EDNRA: variants seen among roughly 807,000 people sequenced by gnomAD.
EDNRA encodes endothelin-1 receptor.
A neutral mutation model predicts 41.4 loss-of-function variants in EDNRA; 11 were observed. The observed-to-expected ratio is 0.27, with a 90% CI of 0.17 to 0.44. The LOEUF is 0.44. Among genes scored for constraint, EDNRA ranks in the 20% least tolerant of loss-of-function variants. The pLI is 1.00. For missense variants in EDNRA, 294 were observed against 531.0 expected, an observed-to-expected ratio of 0.55 and a Z score of 4.39; for synonymous variants, 172 against 183.0, an observed-to-expected ratio of 0.94 and a Z score of 0.49.
chr4:147,520,507 G>A (rs1423310659), intron 3 of EDNRA: 5 of 516,842 alleles, frequency 9.7e-6, no homozygotes, highest in African/African-American at 3.9e-5. Flanking sequence ...CAAATGTCCC[G>A]AAGTCTTTCC....
intron 2 of EDNRA, among the ~76,000 whole-genome samples, chr4:147,501,723 A>G (rs565877056): frequency 1.3e-5 from 2 of 152,308 alleles, no homozygotes; most frequent in South Asian, 4.1e-4. Context: ...CATTTTTTAA[A>G]TAGTTTCATA....
intron 1 of EDNRA, 103 bp from the exon 2 acceptor site, chr4:147,485,509 C>G: frequency 1.3e-6 from 1 of 778,928 alleles, no homozygotes; most frequent in Non-Finnish European, 2.0e-6. Flanking sequence ...TATCTAATCA[C>G]CAAATATATC....
At chr4:147,481,967 T>A (rs1728776442) in intron 1 of EDNRA, among the ~76,000 whole-genome samples, 1 of 152,236 alleles carries the variant, frequency 6.6e-6, no homozygotes, top group South Asian at 2.1e-4. Flanking sequence ...GCTTCTCACG[T>A]GCAGAAAACA....
intron 3 of EDNRA, among the ~76,000 whole-genome samples, chr4:147,526,405 G>C (rs1730549916): frequency 6.6e-6 from 1 of 152,144 alleles, no homozygotes; most frequent in Non-Finnish European, 1.5e-5. Context: ...TCACATGCCT[G>C]GCACCTTGGC....
rs545912178 is a variant in EDNRA at position 147,516,375 on chromosome 4, A to G, written c.421-3476A>G. Among the ~76,000 whole-genome samples, 5 of 152,350 alleles carry G rather than the reference A, an allele frequency of 3.3e-5. No homozygotes were observed. The South Asian group carries it at 1.0e-3, about 32-fold the overall frequency. On this transcript the variant is annotated intron_variant, in intron 2 of 7. Transcript: ENST00000651419. ...AACTCGATGGTAGGTTTCTTTCAAC[A>G]TAAAGAGTGGGAGCACTACTTTGAG...
chr4:147,496,692 A>T (rs1244947599), intron 2 of EDNRA, among the ~76,000 whole-genome samples: 1 of 152,124 alleles, frequency 6.6e-6, no homozygotes, highest in Admixed American at 6.5e-5. Flanking sequence ...GCCTGTAGGT[A>T]TTGTTTTGTG....
intron 2 of EDNRA, among the ~76,000 whole-genome samples, chr4:147,516,992 GT>G (rs750980299): frequency 2.2e-5 from 3 of 134,118 alleles, no homozygotes; most frequent in African/African-American, 3.5e-5. Context: ...TTTTCTTTTT[GT>G]AAAAAAAAAA....
At position 147,535,546 on chromosome 4, in the gene EDNRA, A is replaced by G. The variant is rs150209626; in HGVS notation, c.748-331A>G. ...TTCTTTTGTCTCAAAATCATGTTTT[A>G]TGAGCTTTAGAAGGACATTATTTTT... On this transcript the variant is annotated intron_variant, in intron 4 of 7. Transcript: ENST00000651419. 6.2e-4 allele frequency among the ~76,000 whole-genome samples: 95 copies of G among 152,340 alleles called. 1 individual carries two copies. Among genetic ancestry groups the G allele is most frequent in the African/African-American group, 2.1e-3 (86 of 41,590 alleles).
chr4:147,489,797 C>T (rs1309149880), intron 2 of EDNRA: 1 of 152,100 alleles, frequency 6.6e-6, no homozygotes, highest in Non-Finnish European at 1.5e-5. Flanking sequence ...TTCCATCTGT[C>T]AAGTGCCACT....
At chr4:147,524,740 T>C (rs1192353414) in intron 3 of EDNRA, among the ~76,000 whole-genome samples, 5 of 152,192 alleles carry the variant, frequency 3.3e-5, no homozygotes, top group Non-Finnish European at 7.3e-5. Context: ...TCATTTGGTA[T>C]TGACCCTAAG....
At chr4:147,499,745 T>C (rs900623201) in intron 2 of EDNRA, among the ~76,000 whole-genome samples, 5 of 152,088 alleles carry the variant, frequency 3.3e-5, no homozygotes, top group Admixed American at 3.3e-4. Context: ...ATGAAGATTT[T>C]TCATTTATTT....
intron 2 of EDNRA, among the ~76,000 whole-genome samples, chr4:147,487,664 T>C (rs996291405): frequency 1.3e-5 from 2 of 152,232 alleles, no homozygotes; most frequent in Non-Finnish European, 1.5e-5. Flanking sequence ...AGTGGTCTGA[T>C]AATATAGATG....
In EDNRA at chr4:147,523,817, A is replaced by G. The variant is rs561283248; in HGVS notation, c.548+3839A>G. 3.3e-5 allele frequency among the ~76,000 whole-genome samples: 5 copies of G among 152,128 alleles called. No homozygotes were observed. The South Asian group carries it at 8.3e-4, about 25-fold the overall frequency. ...TTTTGTTAGTCTTAAGATCTGTTCT[A>G]ACGTTAATGCTGGCCTGTTGTGCCT... On this transcript the variant is annotated intron_variant, in intron 3 of 7. Coordinates refer to ENST00000651419, the MANE Select transcript of EDNRA (RefSeq NM_001957.4).
At chr4:147,484,669 G>C (rs1209018537) in intron 1 of EDNRA, among the ~76,000 whole-genome samples, 2 of 152,188 alleles carry the variant, frequency 1.3e-5, no homozygotes, top group East Asian at 3.8e-4. Flanking sequence ...ATGGGGACAG[G>C]TGTCCCTTGG....
chr4:147,493,061 AGGAG>A (rs1729192718), intron 2 of EDNRA: 1 of 152,116 alleles, frequency 6.6e-6, no homozygotes, highest in Non-Finnish European at 1.5e-5. Context: ...CCCATGGCTG[AGGAG>A]GGAGAGATGG....
chr4:147,536,771 G>T (rs756349345), intron 5 of EDNRA, among the ~76,000 whole-genome samples: 2 of 152,172 alleles, frequency 1.3e-5, no homozygotes, highest in African/African-American at 2.4e-5. Context: ...ATGTCAATAG[G>T]AGGCTAATGT....
intron 2 of EDNRA, among the ~76,000 whole-genome samples, chr4:147,500,743 T>C (rs1420810385): frequency 2.3e-5 from 3 of 129,546 alleles, no homozygotes; most frequent in South Asian, 5.0e-4. Context: ...GGGATGGAGG[T>C]AAAAAAAAAA....
chr4:147,485,775 A>G lies in EDNRA; in HGVS notation c.94A>G (p.Asn32Asp). Residue 32 changes from asparagine (N) to aspartate (D), a missense_variant, in exon 2 of 8, where the codon AAT becomes GAT. Around this residue, in one of 3 missense-constraint regions of EDNRA, gnomAD observed 90 missense variants for 122.8 expected, o/e 0.73. Coordinates refer to ENST00000651419, the MANE Select transcript of EDNRA (RefSeq NM_001957.4). ...TGAGAGATACAGCACAAATCTAAGCAATCATGTGGATGATTTCACCACTTT... is the reference window on the plus strand; with the variant it reads ...TGAGAGATACAGCACAAATCTAAGCGATCATGTGGATGATTTCACCACTTT... ...NPERYSTNLS[N>D]HVDDFTTFRG... 1 of 1,614,234 alleles carries G rather than the reference A, an allele frequency of 6.2e-7. No homozygotes were observed. The highest frequency in any genetic ancestry group is 8.5e-7 in the Non-Finnish European group (1 of 1,180,038).
chr4:147,505,960 T>C (rs1184109869), intron 2 of EDNRA: 1 of 318,396 alleles, frequency 3.1e-6, no homozygotes, highest in Non-Finnish European at 6.0e-6. Flanking sequence ...CAGTTTCTTA[T>C]AAAACTAAAT....
Sources: allele counts gnomAD v4.1 joint callset (sites outside exome capture counted in the v4.1 genomes callset), GRCh38; gene constraint gnomAD v4.1.1; regional missense constraint gnomAD v4.1.1; transcripts MANE v1.5; gene names NCBI Gene and HGNC (gene_info 2026-07-23, HGNC 2026-07-21).